SV2C: variants seen among roughly 807,000 people sequenced by gnomAD.
SV2C encodes the protein solute carrier family 22 member B3.
A neutral mutation model predicts 79.7 loss-of-function variants in SV2C; 49 were observed. The ratio of observed to expected loss-of-function variants is 0.61; its 90% confidence interval spans 0.49 to 0.78. The LOEUF is 0.78. Among genes scored for constraint, SV2C ranks in the 30% least tolerant of loss-of-function variants. The pLI is 0.00. For synonymous variants in SV2C, 334 were observed against 333.2 expected (o/e 1.00, Z -0.03); for missense variants, 833 against 912.9 (o/e 0.91, Z 1.13).
intron 4 of SV2C, among the ~76,000 whole-genome samples, chr5:76,252,429 T>TA (rs1561284179): frequency 6.6e-6 from 1 of 152,210 alleles, no homozygotes; most frequent in Non-Finnish European, 1.5e-5. Context: ...GCCGCAGTGA[T>TA]ACATTTAAGA....
the SV2C span, among the ~76,000 whole-genome samples, chr5:76,057,638 C>A: frequency 3.3e-5 from 5 of 152,100 alleles, no homozygotes; most frequent in African/African-American, 1.2e-4. Flanking sequence ...TGACCTTAAA[C>A]AAGCTATTTA....
chr5:76,184,872 A>G (rs1743865306), intron 2 of SV2C, among the ~76,000 whole-genome samples: 1 of 152,206 alleles, frequency 6.6e-6, no homozygotes, highest in Non-Finnish European at 1.5e-5. Context: ...TGCCCTTCCA[A>G]CAGTCCCCCA....
the SV2C span, among the ~76,000 whole-genome samples, chr5:76,055,409 T>C: frequency 1.3e-5 from 2 of 152,206 alleles, no homozygotes; most frequent in African/African-American, 2.4e-5. Context: ...AGACTTGTAG[T>C]ATAGTTTAGT....
At chr5:75,849,475 G>C in the SV2C span, among the ~76,000 whole-genome samples, 1 of 152,172 alleles carries the variant, frequency 6.6e-6, no homozygotes, top group Non-Finnish European at 1.5e-5. Flanking sequence ...ACCACCATTT[G>C]TGTTTTCCAA....
chr5:76,040,045 G>A, the SV2C span, among the ~76,000 whole-genome samples: 33 of 152,212 alleles, frequency 2.2e-4, 1 homozygote, highest in East Asian at 5.4e-3. Context: ...ATACATGTAC[G>A]TATATGTGTA....
intron 1 of SV2C, among the ~76,000 whole-genome samples, chr5:76,123,027 A>T (rs1748577352): frequency 6.6e-6 from 1 of 152,240 alleles, no homozygotes; most frequent in African/African-American, 2.4e-5. Context: ...ATAAAAAATG[A>T]TAAAGGGGAT....
rs1385306533 is a variant in SV2C at position 76,132,332 on chromosome 5, T to A, written c.580+2T>A. 6.2e-7 allele frequency: 1 copy of A among 1,608,130 alleles called. No individual in the cohort carries two copies. Among genetic ancestry groups the A allele is most frequent in the Admixed American group, 1.7e-5 (1 of 59,564 alleles). ...CAAATTCAGGATCTGGATGGCTAGGTGAGTGTGTGGTGTCAGTGAGGCCAA... is the reference window on the plus strand; with the variant it reads ...CAAATTCAGGATCTGGATGGCTAGGAGAGTGTGTGGTGTCAGTGAGGCCAA... On this transcript the variant is annotated splice_donor_variant, in intron 2 of 12. Transcript: ENST00000502798. LOFTEE classifies it high-confidence loss of function.
chr5:76,335,200 T>C (rs2112580508), downstream of SV2C, among the ~76,000 whole-genome samples: 1 of 152,260 alleles, frequency 6.6e-6, no homozygotes. Context: ...TTCACACCCC[T>C]CTGCAGGCTG....
At chr5:75,871,296 A>G in the SV2C span, among the ~76,000 whole-genome samples, 1 of 152,222 alleles carries the variant, frequency 6.6e-6, no homozygotes, top group Admixed American at 6.5e-5. Flanking sequence ...CAGTTAGGCA[A>G]TGAAAGGACT....
the SV2C span, among the ~76,000 whole-genome samples, chr5:75,889,186 A>T: frequency 1.3e-5 from 2 of 151,378 alleles, no homozygotes; most frequent in African/African-American, 4.8e-5. Flanking sequence ...TGCTGCATCT[A>T]TCAACTCGTC....
the SV2C span, among the ~76,000 whole-genome samples, chr5:75,890,009 G>C: frequency 6.6e-6 from 1 of 152,044 alleles, no homozygotes; most frequent in Non-Finnish European, 1.5e-5. Context: ...TTTTAGAGAC[G>C]TGACCAAGAT....
At chr5:76,026,223 C>T in the SV2C span, among the ~76,000 whole-genome samples, 187 of 141,190 alleles carry the variant, frequency 1.3e-3, no homozygotes, top group African/African-American at 4.4e-3. Flanking sequence ...CACACACACA[C>T]ACACACACAC....
At chr5:76,312,104 C>G (rs909559610) in intron 12 of SV2C, among the ~76,000 whole-genome samples, 2 of 152,170 alleles carry the variant, frequency 1.3e-5, no homozygotes, top group Non-Finnish European at 2.9e-5. Context: ...ATGTAGCTCC[C>G]GCGGTGTAGG....
At chr5:76,106,671 C>G (rs1561217664) in intron 1 of SV2C, among the ~76,000 whole-genome samples, 2 of 152,172 alleles carry the variant, frequency 1.3e-5, no homozygotes, top group Admixed American at 6.6e-5. Context: ...CTGGAACATT[C>G]CTACTACATA....
At position 76,326,183 on chromosome 5, in the gene SV2C, C is replaced by A. The variant is rs181073216; in HGVS notation, c.*636C>A. The A allele has an allele frequency of 2.0e-5, 3 of 152,298 alleles. No individual in the cohort carries two copies. The East Asian group carries it at 5.8e-4, about 29-fold the overall frequency. 9.4% of individuals were successfully genotyped at this position (152,298 alleles called of 1,614,324 possible). A position where few individuals can be genotyped will look rare whatever the true frequency, so the allele number is the denominator to read the frequency against. On this transcript the variant is annotated 3_prime_UTR_variant, in exon 13 of 13. Coordinates refer to ENST00000502798, the MANE Select transcript of SV2C (RefSeq NM_014979.4). ...AATTAGCAGCAAAAATCTGAGTGTG[C>A]TGCATAAGCAAGATTTCTGTCAGAA...
intron 1 of SV2C, among the ~76,000 whole-genome samples, chr5:76,086,405 A>G (rs1747197736): frequency 6.6e-6 from 1 of 152,236 alleles, no homozygotes; most frequent in Non-Finnish European, 1.5e-5. Context: ...CACTGTTGTT[A>G]TTCATATTAC....
At chr5:76,102,037 T>A (rs1012445855) in intron 1 of SV2C, among the ~76,000 whole-genome samples, 2 of 152,154 alleles carry the variant, frequency 1.3e-5, no homozygotes, top group South Asian at 4.1e-4. Context: ...CCTAACAGGA[T>A]CTTTGGACTT....
chr5:75,991,315 T>G, the SV2C span, among the ~76,000 whole-genome samples: 1 of 151,714 alleles, frequency 6.6e-6, no homozygotes, highest in African/African-American at 2.4e-5. Flanking sequence ...TTATCCCTTT[T>G]TATTTAATTT....
the SV2C span, among the ~76,000 whole-genome samples, chr5:75,906,866 G>A: frequency 6.6e-6 from 1 of 152,114 alleles, no homozygotes; most frequent in Non-Finnish European, 1.5e-5. Context: ...AATATTTTTG[G>A]TTGTCACAAC....
Sources: allele counts gnomAD v4.1 joint callset (sites outside exome capture counted in the v4.1 genomes callset), GRCh38; gene constraint gnomAD v4.1.1; transcripts MANE v1.5; gene names NCBI Gene and HGNC (gene_info 2026-07-23, HGNC 2026-07-21).